Variants in MSR1 observed in about 807,000 individuals in gnomAD.
MSR1 encodes the protein macrophage scavenger receptor types I and II.
A neutral mutation model predicts 47.2 loss-of-function variants in MSR1; 53 were observed. That is an observed-to-expected ratio of 1.12 (90% CI 0.90 to 1.41). MSR1 has a LOEUF of 1.41. Ranked by LOEUF, MSR1 falls within the 40% of genes most tolerant of loss-of-function variation. The pLI, the probability that MSR1 is intolerant of heterozygous loss-of-function variation, is 0.00. For synonymous variants in MSR1, 239 were observed against 185.6 expected, an observed-to-expected ratio of 1.29 and a Z score of -2.34; for missense variants, 786 against 546.9, an observed-to-expected ratio of 1.44 and a Z score of -4.36.
intron 9 of MSR1, among the ~76,000 whole-genome samples, chr8:16,115,439 A>T (rs1799856094): frequency 6.6e-6 from 1 of 152,148 alleles, no homozygotes; most frequent in South Asian, 2.1e-4. Context: ...AATGTTTTAA[A>T]TAGCTTTCCA....
At chr8:16,169,185 G>C (rs1025886583) in intron 3 of MSR1, among the ~76,000 whole-genome samples, 1 of 152,114 alleles carries the variant, frequency 6.6e-6, no homozygotes, top group South Asian at 2.1e-4. Context: ...AAATTCTATA[G>C]ATTATGAAAG....
At chr8:16,152,012 C>T (rs549135402) in intron 6 of MSR1, among the ~76,000 whole-genome samples, 4 of 152,224 alleles carry the variant, frequency 2.6e-5, no homozygotes, top group South Asian at 2.1e-4. Context: ...AGCTCATACA[C>T]GTAAAACACT....
At chr8:16,180,347 A>G (rs1315194560) in intron 1 of MSR1, among the ~76,000 whole-genome samples, 1 of 152,164 alleles carries the variant, frequency 6.6e-6, no homozygotes, top group Admixed American at 6.6e-5. Context: ...GAAAGGTTTG[A>G]TAAAAAGAAA....
At chr8:16,157,632 T>A (rs943267786) in intron 5 of MSR1, among the ~76,000 whole-genome samples, 1 of 151,964 alleles carries the variant, frequency 6.6e-6, no homozygotes, top group South Asian at 2.1e-4. Flanking sequence ...TTTAAGTGTC[T>A]TTTAGATTCA....
intron 8 of MSR1, among the ~76,000 whole-genome samples, chr8:16,129,366 T>A (rs1800201899): frequency 6.6e-6 from 1 of 151,746 alleles, no homozygotes; most frequent in Non-Finnish European, 1.5e-5. Context: ...GGATTAAGAG[T>A]CTGTAGGCTA....
chr8:16,154,919 C>T (rs1800958556), intron 6 of MSR1, 145 bp downstream of exon 6: 1 of 683,066 alleles, frequency 1.5e-6, no homozygotes, highest in East Asian at 2.7e-5. Context: ...CACACATATA[C>T]ACACATGTGC....
Position 16,191,686 on chromosome 8 carries a change from A to C in MSR1, c.-5+912T>G, listed in dbSNP as rs920373882. On this transcript the variant is annotated intron_variant, in intron 1 of 9. Transcript: ENST00000262101. ...GCTGGAATTTGAACACAGGCAGTCT[A>C]CTCCCAGAAGATTAGCTCTTACCCA... Among the ~76,000 whole-genome samples the C allele has an allele frequency of 1.3e-4, 20 of 152,076 alleles. 1 individual carries two copies. Among genetic ancestry groups the C allele is most frequent in the Admixed American group, 1.2e-3 (18 of 15,240 alleles).
At chr8:16,130,104 G>C (rs962464996) in intron 8 of MSR1, among the ~76,000 whole-genome samples, 1 of 152,162 alleles carries the variant, frequency 6.6e-6, no homozygotes, top group African/African-American at 2.4e-5. Context: ...GTGAGAGTGA[G>C]GCTGTGAGAG....
rs13306551 is a variant in MSR1 at position 16,154,795 on chromosome 8, A to G, written c.898+269T>C. Among the ~76,000 whole-genome samples the G allele has an allele frequency of 3.8e-3, 571 of 152,008 alleles. 25 individuals carry two copies. In the East Asian group the frequency reaches 0.099, roughly 26 times the overall value. Reference sequence around the variant, plus strand: ...ACTATCTAGACTTACAAACAATTCCATTTGGTTACTCTGGTTAAAGCATTT... The same window carrying G: ...ACTATCTAGACTTACAAACAATTCCGTTTGGTTACTCTGGTTAAAGCATTT... On this transcript the variant is annotated intron_variant, in intron 6 of 9. Coordinates refer to ENST00000262101, the MANE Select transcript of MSR1 (RefSeq NM_138715.3).
At position 16,143,684 on chromosome 8, in the gene MSR1, C is replaced by A; in HGVS notation, c.980-73G>T. The A allele has an allele frequency of 4.7e-6, 5 of 1,062,538 alleles. No homozygotes were observed. Among genetic ancestry groups the A allele is most frequent in the South Asian group, 3.8e-5 (3 of 78,530 alleles). 65.8% of individuals were successfully genotyped at this position (1,062,538 alleles called of 1,614,324 possible). A position where few individuals can be genotyped will look rare whatever the true frequency, so the allele number is the denominator to read the frequency against. On this transcript the variant is annotated intron_variant, in intron 7 of 9. Coordinates refer to ENST00000262101, the MANE Select transcript of MSR1 (RefSeq NM_138715.3). ...ATGTTTGCTTTAACTGGAGACAGAT[C>A]ATCACAAGGTAATTAAAATATAATA...
chr8:16,156,981 G>A (rs1432524796), intron 5 of MSR1, among the ~76,000 whole-genome samples: 1 of 151,924 alleles, frequency 6.6e-6, no homozygotes, highest in Non-Finnish European at 1.5e-5. Flanking sequence ...ATGAATCCCA[G>A]GGGAGGGGGG....
chr8:16,168,855 C>G lies in MSR1; in HGVS notation c.233G>C (p.Trp78Ser). The change falls in exon 4 of 10, where the codon TGG becomes TCG. Residue 78 changes from tryptophan (W) to serine (S), a missense_variant. Coordinates refer to ENST00000262101, the MANE Select transcript of MSR1 (RefSeq NM_138715.3). ...ACTAACTGAGCAATTCTTCGTTTCCCACTTCAGGAGTTGAGCTGTATATTT... is the reference window on the plus strand; with the variant it reads ...ACTAACTGAGCAATTCTTCGTTTCCGACTTCAGGAGTTGAGCTGTATATTT... ...IGIVAAQLLKWETKNCSVSST... is the reference protein window; with the variant it reads ...IGIVAAQLLKSETKNCSVSST... The G allele has an allele frequency of 1.1e-5, 17 of 1,613,180 alleles. No individual in the cohort carries two copies. Among genetic ancestry groups the G allele is most frequent in the Non-Finnish European group, 1.4e-5 (17 of 1,179,990 alleles).
rs73665214 is a variant in MSR1 at position 16,140,026 on chromosome 8, A to G, written c.1033+3532T>C. On this transcript the variant is annotated intron_variant, in intron 8 of 9. Coordinates refer to ENST00000262101, the MANE Select transcript of MSR1 (RefSeq NM_138715.3). ...CAATTAGCTCTGTAAAACCAGAGAC[A>G]ATTATCTCTTATTAGCTGTTATGTC... 4.7e-4 allele frequency: 365 copies of G among 774,994 alleles called. 3 individuals carry two copies. In the African/African-American group the frequency reaches 6.6e-3, roughly 14 times the overall value. The allele number at this position is 774,994 out of a possible 1,614,324, so 48.0% of individuals were successfully genotyped here.
chr8:16,112,788 G>T (rs1449072687), intron 9 of MSR1, among the ~76,000 whole-genome samples: 1 of 151,644 alleles, frequency 6.6e-6, no homozygotes, highest in Non-Finnish European at 1.5e-5. Context: ...CAAAAATTAC[G>T]TGTGTTTCTT....
At chr8:16,134,680 A>C (rs1800347287) in intron 8 of MSR1, among the ~76,000 whole-genome samples, 1 of 152,208 alleles carries the variant, frequency 6.6e-6, no homozygotes, top group African/African-American at 2.4e-5. Flanking sequence ...AAAGCTACAC[A>C]TGATAAACCT....
intron 3 of MSR1, among the ~76,000 whole-genome samples, chr8:16,172,981 AT>A (rs1179986590): frequency 1.3e-5 from 2 of 152,172 alleles, no homozygotes; most frequent in African/African-American, 2.4e-5. Context: ...TTTGAAAAAT[AT>A]ACTGATCTAC....
intron 5 of MSR1, among the ~76,000 whole-genome samples, chr8:16,155,468 A>G (rs545027373): frequency 3.9e-4 from 59 of 152,158 alleles, no homozygotes; most frequent in Non-Finnish European, 7.5e-4. Context: ...TTAGTGTTGT[A>G]CGCATCCTAG....
rs979275200 is a variant in MSR1, at chr8:16,107,920, C to G, written c.*2165G>C. 2.0e-5 allele frequency: 3 copies of G among 151,732 alleles called. No individual in the cohort carries two copies. In the East Asian group the frequency reaches 5.8e-4, roughly 29 times the overall value. 9.4% of individuals were successfully genotyped at this position (151,732 alleles called of 1,614,324 possible). A position where few individuals can be genotyped will look rare whatever the true frequency, so the allele number is the denominator to read the frequency against. On this transcript the variant is annotated 3_prime_UTR_variant, in exon 10 of 10. Coordinates refer to ENST00000262101, the MANE Select transcript of MSR1 (RefSeq NM_138715.3). ...TTTTAATGGAACAAATGCAATTCAA[C>G]ATTCCAAAGTAAATTAAGTCCTCAA...
At chr8:16,132,114 C>A (rs1563144243) in intron 8 of MSR1, among the ~76,000 whole-genome samples, 1 of 151,774 alleles carries the variant, frequency 6.6e-6, no homozygotes, top group Non-Finnish European at 1.5e-5. Flanking sequence ...TTCTTCCTAT[C>A]CATGAGCTTG....
Sources: gnomAD v4.1 joint callset for allele counts (sites outside exome capture counted in the v4.1 genomes callset) on GRCh38, gnomAD v4.1.1 for gene constraint, MANE v1.5 for transcripts, NCBI Gene and HGNC (gene_info 2026-07-23, HGNC 2026-07-21) for gene names.